Variants in THADA observed in about 807,000 individuals in gnomAD.
THADA encodes the protein THADA armadillo repeat containing, also known as tRNA (32-2'-O)-methyltransferase regulator THADA.
A neutral mutation model predicts 219.8 loss-of-function variants in THADA; 213 were observed. The ratio of observed to expected loss-of-function variants is 0.97; its 90% CI spans 0.87 to 1.09. THADA has a LOEUF of 1.09. Among genes scored for constraint, THADA ranks in the 50% least tolerant of loss-of-function variants. The pLI is 0.00. For synonymous variants in THADA, 1,018 were observed against 828.9 expected (o/e 1.23, Z -3.92); for missense variants, 2,956 against 2,311.3 (o/e 1.28, Z -5.72).
intron 31 of THADA, among the ~76,000 whole-genome samples, chr2:43,305,166 TA>T (rs1240959194): frequency 1.3e-5 from 2 of 152,120 alleles, no homozygotes; most frequent in Non-Finnish European, 2.9e-5. Flanking sequence ...ATTTCTCCGT[TA>T]AAAAAATTAT....
At chr2:43,559,332 A>T (rs1224665940) in intron 16 of THADA, among the ~76,000 whole-genome samples, 1 of 152,178 alleles carries the variant, frequency 6.6e-6, no homozygotes, top group African/African-American at 2.4e-5. Context: ...AGATAGATAG[A>T]TGTTCTACAT....
intron 22 of THADA, among the ~76,000 whole-genome samples, chr2:43,524,456 G>T (rs988929902): frequency 2.0e-5 from 3 of 152,172 alleles, no homozygotes; most frequent in Admixed American, 6.5e-5. Flanking sequence ...TAGTTCAAGA[G>T]GTGGCCAGCA....
chr2:43,255,275 C>T (rs956108997), intron 36 of THADA, among the ~76,000 whole-genome samples: 1 of 152,132 alleles, frequency 6.6e-6, no homozygotes, highest in Non-Finnish European at 1.5e-5. Context: ...TTCAAGGTGC[C>T]TATTTGCTCT....
intron 22 of THADA, among the ~76,000 whole-genome samples, chr2:43,509,909 T>C (rs988292777): frequency 4.6e-5 from 7 of 152,170 alleles, no homozygotes; most frequent in African/African-American, 1.7e-4. Flanking sequence ...ATCCATCACC[T>C]CACCCTTGCT....
At chr2:43,575,560 A>G (rs2104037981) in intron 10 of THADA, among the ~76,000 whole-genome samples, 1 of 152,302 alleles carries the variant, frequency 6.6e-6, no homozygotes, top group South Asian at 2.1e-4. Context: ...TTTATTTGAG[A>G]CAGGGTCTTG....
intron 26 of THADA, among the ~76,000 whole-genome samples, chr2:43,441,882 A>G (rs1029899431): frequency 6.6e-5 from 10 of 152,154 alleles, no homozygotes; most frequent in Admixed American, 5.2e-4. Flanking sequence ...TTTTTTTCAC[A>G]AAAGTAGCAA....
intron 31 of THADA, among the ~76,000 whole-genome samples, chr2:43,307,356 G>A (rs192932717): frequency 6.6e-6 from 1 of 151,746 alleles, no homozygotes; most frequent in Non-Finnish European, 1.5e-5. Flanking sequence ...TCTGTATAGT[G>A]AGAGAGCTCT....
intron 36 of THADA, among the ~76,000 whole-genome samples, chr2:43,277,913 G>C (rs1558506007): frequency 6.6e-6 from 1 of 150,880 alleles, no homozygotes; most frequent in Non-Finnish European, 1.5e-5. Flanking sequence ...ACCAGCACTT[G>C]ATATCCTTGA....
At chr2:43,336,357 C>T (rs1159779403) in intron 30 of THADA, among the ~76,000 whole-genome samples, 1 of 152,006 alleles carries the variant, frequency 6.6e-6, no homozygotes, top group South Asian at 2.1e-4. Context: ...CCGTAAACTC[C>T]GCCTCCCAGG....
intron 26 of THADA, among the ~76,000 whole-genome samples, chr2:43,446,407 C>CA (rs373097697): frequency 3.9e-5 from 6 of 152,316 alleles, no homozygotes; most frequent in African/African-American, 1.4e-4. Flanking sequence ...CTTTACAAAG[C>CA]ATGGCAGCTT....
At chr2:43,271,443 C>A (rs1572858341) in intron 36 of THADA, among the ~76,000 whole-genome samples, 2 of 152,122 alleles carry the variant, frequency 1.3e-5, no homozygotes, top group South Asian at 4.1e-4. Context: ...CCAGGTAGAT[C>A]TGAAAAACAC....
rs184472108 is a variant in THADA, at chr2:43,352,577, A to T, written c.4228-8340T>A. On this transcript the variant is annotated intron_variant, in intron 29 of 37. Coordinates refer to ENST00000405975, the MANE Select transcript of THADA (RefSeq NM_022065.5). ...AAAAAAAAATAATAATAATAATAAA[A>T]AAATGCAGATGATTTGTTCAGTCAA... is the stretch of plus-strand genomic sequence containing the variant. Among the ~76,000 whole-genome samples the T allele has an allele frequency of 4.6e-5, 7 of 152,166 alleles. No homozygotes were observed. The East Asian group carries it at 1.2e-3, about 25-fold the overall frequency.
At chr2:43,353,822 A>T (rs1668561445) in intron 29 of THADA, among the ~76,000 whole-genome samples, 1 of 139,080 alleles carries the variant, frequency 7.2e-6, no homozygotes, top group South Asian at 2.3e-4. Context: ...AGCTCAGCTA[A>T]TTTTTTTTTT....
At chr2:43,262,134 T>C (rs542853720) in intron 36 of THADA, among the ~76,000 whole-genome samples, 23 of 152,338 alleles carry the variant, frequency 1.5e-4, no homozygotes, top group African/African-American at 5.5e-4. Flanking sequence ...CCTTCTTCCT[T>C]AGCAAGCGAA....
intron 30 of THADA, among the ~76,000 whole-genome samples, chr2:43,328,171 G>C (rs1408264397): frequency 6.6e-6 from 1 of 152,140 alleles, no homozygotes; most frequent in East Asian, 1.9e-4. Context: ...ACAAACAATA[G>C]GGGACTTGTT....
chr2:43,592,519 A>G (rs1701684855), intron 1 of THADA, 103 bp from the exon 2 acceptor site: 1 of 622,744 alleles, frequency 1.6e-6, no homozygotes, highest in African/African-American at 1.9e-5. Flanking sequence ...CATCCTATGC[A>G]TTATGTTTCA....
At chr2:43,492,949 T>C (rs1267522990) in intron 25 of THADA, among the ~76,000 whole-genome samples, 5 of 152,216 alleles carry the variant, frequency 3.3e-5, no homozygotes, top group South Asian at 2.1e-4. Context: ...TGAAGCTCCA[T>C]GCCAAGGCAC....
intron 36 of THADA, among the ~76,000 whole-genome samples, chr2:43,267,866 AC>A (rs1468894447): frequency 9.2e-5 from 14 of 152,202 alleles, no homozygotes; most frequent in Non-Finnish European, 4.4e-5. Context: ...CCAAATCTAT[AC>A]CCCGACTAAA....
chr2:43,561,434 G>A (rs1698052532), intron 15 of THADA, among the ~76,000 whole-genome samples: 1 of 152,134 alleles, frequency 6.6e-6, no homozygotes, highest in African/African-American at 2.4e-5. Context: ...AAAGAATGAT[G>A]GTAATCACTG....
Sources: allele counts gnomAD v4.1 joint callset (sites outside exome capture counted in the v4.1 genomes callset), GRCh38; gene constraint gnomAD v4.1.1; transcripts MANE v1.5; gene names NCBI Gene and HGNC (gene_info 2026-07-23, HGNC 2026-07-21).